The following KCNQ3 variants were observed in gnomAD, a reference collection of about 807,000 sequenced individuals.
KCNQ3 encodes the protein potassium voltage-gated channel subfamily Q member 3.
Under a neutral mutation model 92.5 loss-of-function variants are expected in KCNQ3, and 30 were observed. That is an observed-to-expected ratio of 0.32 (90% CI 0.24 to 0.44). The LOEUF is 0.44. Among genes scored for constraint, KCNQ3 ranks in the 20% least tolerant of loss-of-function variants. The probability of loss-of-function intolerance (pLI) is 1.00; values close to 1 mark genes in which losing one functional copy is unlikely to be tolerated. For missense variants in KCNQ3, 913 were observed against 1,140.3 expected, an observed-to-expected ratio of 0.80 and a Z score of 2.87; for synonymous variants, 450 against 468.8, an observed-to-expected ratio of 0.96 and a Z score of 0.52.
At chr8:132,206,755 C>T (rs553052368) in intron 1 of KCNQ3, among the ~76,000 whole-genome samples, 86 of 152,192 alleles carry the variant, frequency 5.7e-4, no homozygotes, top group African/African-American at 1.8e-3. Flanking sequence ...AGTCTGGTTA[C>T]GGTTTTTCAT....
chr8:132,289,347 A>G (rs1453648283), intron 1 of KCNQ3, among the ~76,000 whole-genome samples: 3 of 152,188 alleles, frequency 2.0e-5, no homozygotes, highest in African/African-American at 7.2e-5. Flanking sequence ...CAAGTTACCC[A>G]AAGTTGGTGA....
intron 1 of KCNQ3, among the ~76,000 whole-genome samples, chr8:132,218,417 G>A (rs1814112987): frequency 6.6e-6 from 1 of 152,216 alleles, no homozygotes; most frequent in African/African-American, 2.4e-5. Flanking sequence ...ATGAGTGAAT[G>A]CTCCTATGCT....
At chr8:132,440,318 C>T (rs1026561075) in intron 1 of KCNQ3, among the ~76,000 whole-genome samples, 10 of 152,168 alleles carry the variant, frequency 6.6e-5, no homozygotes, top group Non-Finnish European at 1.5e-5. Context: ...CCTGCACTTG[C>T]ACAGTCTTTC....
intron 1 of KCNQ3, among the ~76,000 whole-genome samples, chr8:132,358,464 A>G (rs1819075156): frequency 6.6e-6 from 1 of 152,218 alleles, no homozygotes; most frequent in Non-Finnish European, 1.5e-5. Context: ...CAACCAAAGA[A>G]GGCTCATTGG....
At chr8:132,222,868 A>G (rs1411434056) in intron 1 of KCNQ3, among the ~76,000 whole-genome samples, 1 of 152,252 alleles carries the variant, frequency 6.6e-6, no homozygotes, top group Non-Finnish European at 1.5e-5. Context: ...CATCAGATAC[A>G]TGACTTCACA....
chr8:132,134,275 GTCCACT>G lies in KCNQ3; in HGVS notation c.1799+9_1799+14del. On this transcript the variant is annotated intron_variant, in intron 13 of 14. Coordinates refer to ENST00000388996, the MANE Select transcript of KCNQ3 (RefSeq NM_004519.4). ...TTGCACCCCTGGCCCATCAGTCCAT[GTCCACT>G]GGCCCCACCTGGGAGATTGCTGGGA... 6.2e-7 allele frequency: 1 copy of G among 1,601,618 alleles called. No homozygotes were observed. Among genetic ancestry groups the G allele is most frequent in the Non-Finnish European group, 8.6e-7 (1 of 1,169,076 alleles).
intron 1 of KCNQ3, among the ~76,000 whole-genome samples, chr8:132,441,532 C>T (rs545944726): frequency 2.0e-5 from 3 of 151,850 alleles, no homozygotes; most frequent in Non-Finnish European, 4.4e-5. Context: ...CCAGCCTGGG[C>T]GATAGAGCGA....
intron 10 of KCNQ3, chr8:132,140,468 C>T: frequency 2.6e-6 from 1 of 391,282 alleles, no homozygotes; most frequent in Non-Finnish European, 4.6e-6. Context: ...CCAGAGTGGC[C>T]CCCAGAGCCA....
chr8:132,140,621 C>T (rs550338119), intron 10 of KCNQ3: 1 of 241,000 alleles, frequency 4.1e-6, no homozygotes, highest in African/African-American at 2.3e-5. Context: ...TTGGAGAGAA[C>T]TGAATGATAC....
chr8:132,431,262 G>A (rs1209067263), intron 1 of KCNQ3, among the ~76,000 whole-genome samples: 2 of 152,152 alleles, frequency 1.3e-5, no homozygotes, highest in Non-Finnish European at 1.5e-5. Flanking sequence ...CCGGGGAGAG[G>A]ATCTCCCTTC....
intron 1 of KCNQ3, among the ~76,000 whole-genome samples, chr8:132,396,915 A>C (rs1820206272): frequency 6.6e-6 from 1 of 151,744 alleles, no homozygotes; most frequent in South Asian, 2.1e-4. Flanking sequence ...AAAGAAAAGC[A>C]ATCAAAGGGG....
chr8:132,221,026 C>T (rs1438562092), intron 1 of KCNQ3, among the ~76,000 whole-genome samples: 1 of 152,090 alleles, frequency 6.6e-6, no homozygotes, highest in Non-Finnish European at 1.5e-5. Context: ...TCCAAGTGTT[C>T]TCATTGTTCA....
intron 1 of KCNQ3, among the ~76,000 whole-genome samples, chr8:132,428,681 T>C (rs1453576739): frequency 6.6e-6 from 1 of 152,228 alleles, no homozygotes; most frequent in Non-Finnish European, 1.5e-5. Flanking sequence ...TGTTAAACTG[T>C]ATACGTACAT....
At chr8:132,437,927 T>A (rs1821438609) in intron 1 of KCNQ3, among the ~76,000 whole-genome samples, 1 of 152,252 alleles carries the variant, frequency 6.6e-6, no homozygotes, top group South Asian at 2.1e-4. Context: ...TTTAATCCAT[T>A]AAGCAGCTTT....
chr8:132,175,492 C>G lies in KCNQ3; in HGVS notation c.894G>C (p.Glu298Asp). 1 of 1,614,174 alleles carries G rather than the reference C, an allele frequency of 6.2e-7. No homozygotes were observed. The highest frequency in any genetic ancestry group is 8.5e-7 in the Non-Finnish European group (1 of 1,179,988). Residue 298 changes from glutamate to aspartate, a missense_variant, in exon 5 of 15, where the codon GAG becomes GAC. Physicochemically the swap from Glu to Asp is conservative, Grantham distance 45. This residue lies in a region of KCNQ3 where 21 missense variants were observed against 16.3 expected (regional missense o/e 1.29). Transcript: ENST00000388996. ...EVDAQGEEMKEEFETYADALW... is the reference protein window; with the variant it reads ...EVDAQGEEMKDEFETYADALW... ...GGGCATCTGCATAGGTCTCAAACTC[C>G]TCTTTCATCTCCTCTCCTTGTGCAT...
At chr8:132,464,745 A>G (rs1563921067) in intron 1 of KCNQ3, among the ~76,000 whole-genome samples, 2 of 152,302 alleles carry the variant, frequency 1.3e-5, no homozygotes, top group Middle Eastern at 3.4e-3. Flanking sequence ...GTGATCCCCA[A>G]GTGGACTCAG....
chr8:132,192,949 T>G (rs1390143883), intron 1 of KCNQ3, among the ~76,000 whole-genome samples: 3 of 152,136 alleles, frequency 2.0e-5, no homozygotes, highest in Non-Finnish European at 4.4e-5. Flanking sequence ...GCCCGGTCTT[T>G]CTCTATAGTC....
chr8:132,227,093 G>A (rs141759119), intron 1 of KCNQ3, among the ~76,000 whole-genome samples: 119 of 137,042 alleles, frequency 8.7e-4, no homozygotes, highest in African/African-American at 3.3e-3. Context: ...ATGGAGTCTC[G>A]CTGTGTTGCC....
At chr8:132,170,218 G>T in intron 8 of KCNQ3, 116 bp downstream of exon 8, 1 of 782,634 alleles carries the variant, frequency 1.3e-6, no homozygotes, top group Admixed American at 1.9e-5. Context: ...AGCCCAAATT[G>T]GGGAACATTG....
Sources: gnomAD v4.1 joint callset for allele counts (sites outside exome capture counted in the v4.1 genomes callset) on GRCh38, gnomAD v4.1.1 for gene constraint, gnomAD v4.1.1 regional missense constraint, MANE v1.5 for transcripts, NCBI Gene and HGNC (gene_info 2026-07-23, HGNC 2026-07-21) for gene names.